Variants in FNBP1 observed in about 807,000 individuals in gnomAD.
FNBP1 encodes formin binding protein 1.
A neutral mutation model predicts 90.6 loss-of-function variants in FNBP1; 26 were observed. The observed-to-expected ratio is 0.29, with a 90% confidence interval of 0.21 to 0.40. The LOEUF (loss-of-function observed/expected upper bound fraction) is 0.40. Ranked by LOEUF, FNBP1 falls within the 10% of genes least tolerant of loss-of-function variation. FNBP1 has a pLI of 1.00. For missense variants in FNBP1, 635 were observed against 768.0 expected (o/e 0.83, Z 2.05); for synonymous variants, 260 against 265.2 (o/e 0.98, Z 0.19).
intron 1 of FNBP1, among the ~76,000 whole-genome samples, chr9:130,025,942 T>C (rs1030798104): frequency 6.6e-6 from 1 of 151,834 alleles, no homozygotes; most frequent in Non-Finnish European, 1.5e-5. Flanking sequence ...AAAAAAAAGA[T>C]ATCAATGAAA....
chr9:129,913,194 C>T (rs1319046376), intron 11 of FNBP1, among the ~76,000 whole-genome samples: 5 of 152,124 alleles, frequency 3.3e-5, no homozygotes, highest in South Asian at 2.1e-4. Flanking sequence ...AGTGACAGAG[C>T]GAGACTCCAT....
In FNBP1 at chr9:130,041,901, C is replaced by T. The variant is rs117464270; in HGVS notation, c.24+1051G>A. ...ACCACCCTACACTTTCTCCTCCACA[C>T]CCTTTGCAAATAGAATTCCAAAAGG... On this transcript the variant is annotated intron_variant, in intron 1 of 16. Coordinates refer to ENST00000446176, the MANE Select transcript of FNBP1 (RefSeq NM_015033.3). This position sits in a 1 kb window ranked among gnomAD's most constrained non-coding sequence, Gnocchi z 4.3. Among the ~76,000 whole-genome samples the T allele has an allele frequency of 0.016, 2,486 of 152,302 alleles. 27 individuals carry two copies. Among genetic ancestry groups the T allele is most frequent in the East Asian group, 0.03 (154 of 5,182 alleles).
chr9:129,971,850 T>C (rs941479516), intron 4 of FNBP1, among the ~76,000 whole-genome samples: 2 of 152,198 alleles, frequency 1.3e-5, no homozygotes, highest in South Asian at 2.1e-4. Flanking sequence ...CACAGCAAAA[T>C]GTAGATAAAA....
At chr9:129,899,757 G>A (rs887175628) in intron 15 of FNBP1, among the ~76,000 whole-genome samples, 2 of 143,772 alleles carry the variant, frequency 1.4e-5, no homozygotes, top group African/African-American at 5.2e-5. Flanking sequence ...AGGAAGGGAA[G>A]GAAGGGAAGG....
chr9:129,904,361 G>C (rs2037569265), intron 12 of FNBP1, among the ~76,000 whole-genome samples: 1 of 152,136 alleles, frequency 6.6e-6, no homozygotes, highest in African/African-American at 2.4e-5. Flanking sequence ...GGGCATGTTT[G>C]GGTTGAAGAC....
At chr9:130,017,752 C>T (rs1176499256) in intron 1 of FNBP1, among the ~76,000 whole-genome samples, 1 of 151,468 alleles carries the variant, frequency 6.6e-6, no homozygotes, top group Non-Finnish European at 1.5e-5. Flanking sequence ...ATCACTTGAA[C>T]CCGGAAGGCA....
At chr9:129,989,454 G>A (rs1265196566) in intron 2 of FNBP1, among the ~76,000 whole-genome samples, 5 of 152,094 alleles carry the variant, frequency 3.3e-5, no homozygotes, top group African/African-American at 9.7e-5. Flanking sequence ...TCTTAGGCCT[G>A]TACCCTACCG....
chr9:129,927,022 A>G (rs1354379619), intron 8 of FNBP1, among the ~76,000 whole-genome samples, 173 bp downstream of exon 8: 1 of 152,192 alleles, frequency 6.6e-6, no homozygotes, highest in Non-Finnish European at 1.5e-5. Flanking sequence ...TACCACTTAA[A>G]TGTGTTTACC....
intron 6 of FNBP1, among the ~76,000 whole-genome samples, chr9:129,940,461 T>C (rs2044157609): frequency 6.6e-6 from 1 of 152,084 alleles, no homozygotes; most frequent in South Asian, 2.1e-4. Context: ...AGTTACATCA[T>C]ATGTAATATA....
intron 12 of FNBP1, among the ~76,000 whole-genome samples, chr9:129,907,013 C>G (rs998299097): frequency 6.6e-6 from 1 of 151,636 alleles, no homozygotes; most frequent in Non-Finnish European, 1.5e-5. Context: ...CTCCTGACCT[C>G]GTGATCCGCC....
intron 4 of FNBP1, among the ~76,000 whole-genome samples, chr9:129,977,083 C>T (rs1046548046): frequency 5.9e-5 from 9 of 151,308 alleles, no homozygotes; most frequent in South Asian, 4.2e-4. Context: ...CGCTTGAACC[C>T]GGGGGGCGGA....
intron 2 of FNBP1, among the ~76,000 whole-genome samples, chr9:129,993,874 C>T (rs2053593047): frequency 6.6e-6 from 1 of 150,638 alleles, no homozygotes; most frequent in African/African-American, 2.4e-5. Context: ...ATCCGCCCAC[C>T]TTTGCCTCCC....
At chr9:129,960,628 GAAGA>G (rs2047672176) in intron 4 of FNBP1, among the ~76,000 whole-genome samples, 1 of 152,090 alleles carries the variant, frequency 6.6e-6, no homozygotes, top group South Asian at 2.1e-4. Context: ...TGAGGTCAGA[GAAGA>G]AAGAGGGAGT....
At chr9:129,906,143 A>G (rs2038016042) in intron 12 of FNBP1, among the ~76,000 whole-genome samples, 1 of 152,056 alleles carries the variant, frequency 6.6e-6, no homozygotes, top group Non-Finnish European at 1.5e-5. Context: ...TCAGCCTCCC[A>G]AAGTGCTGGG....
intron 1 of FNBP1, among the ~76,000 whole-genome samples, chr9:130,038,159 C>T (rs377498505): frequency 6.6e-6 from 1 of 151,800 alleles, no homozygotes; most frequent in Non-Finnish European, 1.5e-5. Context: ...TCGAGACCAT[C>T]CTGGCTAACA....
intron 4 of FNBP1, among the ~76,000 whole-genome samples, chr9:129,970,620 T>G (rs1311882930): frequency 2.0e-5 from 3 of 152,190 alleles, no homozygotes; most frequent in Non-Finnish European, 4.4e-5. Context: ...TCCGTTTTAG[T>G]AATATTCTTT....
intron 11 of FNBP1, among the ~76,000 whole-genome samples, chr9:129,912,586 G>A (rs2039500993): frequency 1.3e-5 from 2 of 151,764 alleles, no homozygotes; most frequent in South Asian, 4.1e-4. Flanking sequence ...TACTCAGGAG[G>A]CTGAGGCAGG....
chr9:129,987,590 G>C (rs772845990), intron 2 of FNBP1, among the ~76,000 whole-genome samples: 7 of 151,902 alleles, frequency 4.6e-5, no homozygotes, highest in Non-Finnish European at 8.8e-5. Context: ...ACCCAGGCTG[G>C]AGTGCAGTGG....
At chr9:130,026,894 A>G (rs535274358) in intron 1 of FNBP1, among the ~76,000 whole-genome samples, 4 of 150,544 alleles carry the variant, frequency 2.7e-5, no homozygotes, top group African/African-American at 9.8e-5. Flanking sequence ...TGAGCCCAGG[A>G]GGTGGAGGTT....
Sources: allele counts gnomAD v4.1 joint callset (sites outside exome capture counted in the v4.1 genomes callset), GRCh38; gene constraint gnomAD v4.1.1; non-coding constraint Gnocchi (gnomAD v3.1); transcripts MANE v1.5; gene names NCBI Gene and HGNC (gene_info 2026-07-23, HGNC 2026-07-21).